Variants in CEP63 observed in about 807,000 individuals in gnomAD.
CEP63 encodes the protein centrosomal protein of 63 kDa.
In CEP63, 84 loss-of-function variants were observed where a neutral mutation model predicts 89.1. That is an observed-to-expected ratio of 0.94 (90% CI 0.79 to 1.13). The LOEUF is 1.13. Ranked by LOEUF, CEP63 falls within the 50% of genes most tolerant of loss-of-function variation. CEP63 has a pLI of 0.00. For missense variants in CEP63, 838 were observed against 813.3 expected, an observed-to-expected ratio of 1.03 and a Z score of -0.37; for synonymous variants, 267 against 272.5, an observed-to-expected ratio of 0.98 and a Z score of 0.20.
In CEP63 at chr3:134,558,364, G is replaced by C. The variant is rs199939169; in HGVS notation, c.1673+17G>C. On this transcript the variant is annotated intron_variant, in intron 13 of 14. Coordinates refer to ENST00000675561, the MANE Select transcript of CEP63 (RefSeq NM_001353108.3). ...AGAGTTCAAGTAAAATTTTTTAAAA[G>C]TTTATTTAAAATGTGTATTGGTACA... 1 of 1,526,930 alleles carries C rather than the reference G, an allele frequency of 6.5e-7. No individual in the cohort carries two copies. Among genetic ancestry groups the C allele is most frequent in the East Asian group, 2.3e-5 (1 of 44,154 alleles). The allele number at this position is 1,526,930 out of a possible 1,614,324, so 94.6% of individuals were successfully genotyped here.
At chr3:134,582,042 AAGG>A (rs1033184046) in intron 10 of CEP63, among the ~76,000 whole-genome samples, 14 of 152,330 alleles carry the variant, frequency 9.2e-5, no homozygotes, top group African/African-American at 3.4e-4. Context: ...TCAAATAAAA[AAGG>A]AGAGATTTAA....
the CEP63 span, among the ~76,000 whole-genome samples, chr3:134,778,003 TAC>T: frequency 6.6e-6 from 1 of 152,044 alleles, no homozygotes; most frequent in East Asian, 1.9e-4. Flanking sequence ...TAGGAACTAT[TAC>T]ACAGTCTTCT....
chr3:134,689,319 G>C, the CEP63 span, among the ~76,000 whole-genome samples: 1 of 152,136 alleles, frequency 6.6e-6, no homozygotes, highest in East Asian at 1.9e-4. Context: ...GCTGAATACA[G>C]ATGTCAGCAG....
At chr3:134,525,623 G>T (rs1435643016) in intron 3 of CEP63, among the ~76,000 whole-genome samples, 1 of 152,152 alleles carries the variant, frequency 6.6e-6, no homozygotes, top group East Asian at 1.9e-4. Flanking sequence ...AGTATCACTG[G>T]TCTGTGTACT....
the CEP63 span, among the ~76,000 whole-genome samples, chr3:134,598,986 G>T: frequency 2.6e-5 from 4 of 152,234 alleles, no homozygotes; most frequent in Non-Finnish European, 5.9e-5. Flanking sequence ...CCTCAGGCAA[G>T]AGAGGAGCCA....
At chr3:134,701,047 A>G in the CEP63 span, among the ~76,000 whole-genome samples, 1 of 151,086 alleles carries the variant, frequency 6.6e-6, no homozygotes, top group African/African-American at 2.4e-5. Flanking sequence ...TGTGTGTGTC[A>G]TTTTGTTGGG....
At chr3:134,726,723 G>T in the CEP63 span, among the ~76,000 whole-genome samples, 1 of 152,052 alleles carries the variant, frequency 6.6e-6, no homozygotes, top group Admixed American at 6.5e-5. Flanking sequence ...TGACAAGCAG[G>T]TATTTCTTCA....
At chr3:134,661,571 G>A in the CEP63 span, among the ~76,000 whole-genome samples, 5 of 152,116 alleles carry the variant, frequency 3.3e-5, no homozygotes, top group Non-Finnish European at 7.4e-5. Flanking sequence ...AGGGTCCCAA[G>A]AGAAGAAACA....
At chr3:134,726,072 A>AGT in the CEP63 span, among the ~76,000 whole-genome samples, 2 of 152,238 alleles carry the variant, frequency 1.3e-5, no homozygotes, top group African/African-American at 4.8e-5. Context: ...TCAAAGGGTA[A>AGT]GTGTATTGAT....
the CEP63 span, among the ~76,000 whole-genome samples, chr3:134,759,137 A>C: frequency 6.6e-6 from 1 of 152,348 alleles, no homozygotes. Context: ...AGCTCTGCTT[A>C]CGCCTTGGTT....
upstream of CEP63, chr3:134,485,930 C>T: frequency 1.0e-6 from 1 of 960,672 alleles, no homozygotes; most frequent in South Asian, 4.8e-5. Context: ...AAACCTAGGC[C>T]GGGGGCGCTG....
chr3:134,679,793 G>T, the CEP63 span, among the ~76,000 whole-genome samples: 13,518 of 152,160 alleles, frequency 0.089, 1,976 homozygotes, highest in African/African-American at 0.31. Context: ...TGCAACCTCG[G>T]CTCACTGCAA....
the CEP63 span, among the ~76,000 whole-genome samples, chr3:134,687,303 C>T: frequency 6.6e-6 from 1 of 152,220 alleles, no homozygotes; most frequent in Admixed American, 6.5e-5. Context: ...ACTACTACCC[C>T]CTCTCACAAC....
chr3:134,533,980 A>G (rs931732416), intron 5 of CEP63, among the ~76,000 whole-genome samples: 1 of 152,056 alleles, frequency 6.6e-6, no homozygotes, highest in African/African-American at 2.4e-5. Flanking sequence ...TTTTCCCCCC[A>G]AACCCTATAT....
the CEP63 span, among the ~76,000 whole-genome samples, chr3:134,666,403 T>C: frequency 2.6e-5 from 4 of 152,186 alleles, no homozygotes; most frequent in Admixed American, 1.3e-4. Context: ...AAGTCTTTCG[T>C]AGGGATTGTA....
chr3:134,504,171 T>C (rs1942868266), intron 2 of CEP63, among the ~76,000 whole-genome samples: 1 of 152,008 alleles, frequency 6.6e-6, no homozygotes, highest in African/African-American at 2.4e-5. Context: ...GTGTTTCTCC[T>C]CCACGAGTGA....
the CEP63 span, among the ~76,000 whole-genome samples, chr3:134,651,967 G>A: frequency 6.6e-6 from 1 of 152,134 alleles, no homozygotes; most frequent in African/African-American, 2.4e-5. Context: ...GTTAATAAAT[G>A]CACCCCCACA....
At chr3:134,757,737 G>T in the CEP63 span, among the ~76,000 whole-genome samples, 1 of 152,200 alleles carries the variant, frequency 6.6e-6, no homozygotes, top group Non-Finnish European at 1.5e-5. Flanking sequence ...GTGCAGAATT[G>T]TAACTGACGA....
chr3:134,689,137 C>T, the CEP63 span, among the ~76,000 whole-genome samples: 506 of 151,854 alleles, frequency 3.3e-3, 4 homozygotes, highest in Middle Eastern at 0.051. Context: ...GCCTCATTTT[C>T]TCTCTCTCTC....
Sources: gnomAD v4.1 joint callset for allele counts (sites outside exome capture counted in the v4.1 genomes callset) on GRCh38, gnomAD v4.1.1 for gene constraint, MANE v1.5 for transcripts, NCBI Gene and HGNC (gene_info 2026-07-23, HGNC 2026-07-21) for gene names.